MGAT4C: variants seen among roughly 807,000 people sequenced by gnomAD.
The protein encoded by MGAT4C is MGAT4 family member C, also known as alpha-1,3-mannosyl-glycoprotein 4-beta-N-acetylglucosaminyltransferase C.
Under a neutral mutation model 40.1 loss-of-function variants are expected in MGAT4C, and 19 were observed. The ratio of observed to expected loss-of-function variants is 0.47; its 90% confidence interval spans 0.33 to 0.70. MGAT4C has a LOEUF of 0.70. MGAT4C is among the 30% of genes least tolerant of loss of function. The pLI is 0.02. For synonymous variants in MGAT4C, 181 were observed against 187.1 expected (o/e 0.97, Z 0.27); for missense variants, 491 against 563.2 (o/e 0.87, Z 1.30).
intron 2 of MGAT4C, among the ~76,000 whole-genome samples, chr12:86,463,073 T>G (rs1378053489): frequency 6.6e-6 from 1 of 152,168 alleles, no homozygotes; most frequent in Admixed American, 6.5e-5. Context: ...GAGCCTTCAA[T>G]TCTGGCAATT....
chr12:86,175,831 C>A (rs1486914359), intron 1 of MGAT4C, among the ~76,000 whole-genome samples: 1 of 146,458 alleles, frequency 6.8e-6, no homozygotes, highest in Non-Finnish European at 1.5e-5. Context: ...ATTAGCCTGG[C>A]GTGGTGGCGG....
intron 4 of MGAT4C, among the ~76,000 whole-genome samples, chr12:86,313,060 T>C (rs1954119265): frequency 6.6e-6 from 1 of 152,184 alleles, no homozygotes; most frequent in Middle Eastern, 3.2e-3. Context: ...TTAATAGTGT[T>C]ACAGTGGTGG....
At chr12:86,807,812 T>C (rs1952387855) in intron 1 of MGAT4C, among the ~76,000 whole-genome samples, 1 of 152,128 alleles carries the variant, frequency 6.6e-6, no homozygotes, top group Non-Finnish European at 1.5e-5. Flanking sequence ...TTTTTAATAA[T>C]TGCCATTCTG....
intron 1 of MGAT4C, among the ~76,000 whole-genome samples, chr12:86,821,592 T>C (rs1236795361): frequency 6.6e-6 from 1 of 151,024 alleles, no homozygotes. Flanking sequence ...CCAAACACTA[T>C]ATCTTATTCC....
chr12:86,491,273 G>A (rs1044879795), intron 2 of MGAT4C, among the ~76,000 whole-genome samples: 15 of 152,092 alleles, frequency 9.9e-5, no homozygotes, highest in Middle Eastern at 3.4e-3. Flanking sequence ...GAAAAAGAGG[G>A]AATCATCCCT....
chr12:86,399,927 C>T (rs1956326591), intron 3 of MGAT4C, among the ~76,000 whole-genome samples: 1 of 152,162 alleles, frequency 6.6e-6, no homozygotes, highest in Non-Finnish European at 1.5e-5. Context: ...TAATCAAACC[C>T]AAGAATAGGG....
At chr12:86,609,322 G>A (rs1394024954) in intron 2 of MGAT4C, among the ~76,000 whole-genome samples, 2 of 152,092 alleles carry the variant, frequency 1.3e-5, no homozygotes, top group Non-Finnish European at 2.9e-5. Context: ...AGTTGTCAAT[G>A]AAGTTGACTT....
chr12:86,643,182 C>T (rs1221591388), intron 2 of MGAT4C, among the ~76,000 whole-genome samples: 1 of 151,600 alleles, frequency 6.6e-6, no homozygotes, highest in Admixed American at 6.6e-5. Context: ...ATAACAAGCC[C>T]ACTGCTGTGA....
chr12:86,112,076 C>T (rs372241864), intron 1 of MGAT4C, among the ~76,000 whole-genome samples: 1 of 151,588 alleles, frequency 6.6e-6, no homozygotes, highest in Admixed American at 6.6e-5. Flanking sequence ...TAAGTATAAG[C>T]TAAATACAAT....
At chr12:86,273,009 A>T (rs1469631578) in intron 4 of MGAT4C, among the ~76,000 whole-genome samples, 1 of 152,160 alleles carries the variant, frequency 6.6e-6, no homozygotes, top group Admixed American at 6.6e-5. Context: ...TCCATTAATT[A>T]TTTCCTGTTT....
At chr12:86,793,516 C>G (rs534254606) in intron 1 of MGAT4C, among the ~76,000 whole-genome samples, 36 of 151,834 alleles carry the variant, frequency 2.4e-4, no homozygotes, top group Non-Finnish European at 4.3e-4. Flanking sequence ...TTTACTAAAA[C>G]TAGGAATAGT....
At chr12:86,484,160 G>T (rs1165229830) in intron 2 of MGAT4C, among the ~76,000 whole-genome samples, 1 of 152,066 alleles carries the variant, frequency 6.6e-6, no homozygotes, top group African/African-American at 2.4e-5. Flanking sequence ...AGGAGAATCA[G>T]CCCAGAGAGT....
At chr12:86,241,728 T>C (rs1161239097) in intron 1 of MGAT4C, among the ~76,000 whole-genome samples, 1 of 152,168 alleles carries the variant, frequency 6.6e-6, no homozygotes, top group African/African-American at 2.4e-5. Flanking sequence ...GACTGCTTTA[T>C]GTGGGAAAGC....
At chr12:86,259,278 A>C (rs1190633714), upstream of MGAT4C, among the ~76,000 whole-genome samples, 1 of 152,074 alleles carries the variant, frequency 6.6e-6, no homozygotes, top group African/African-American at 2.4e-5. Flanking sequence ...TTTGGAAAAA[A>C]GTCTGATGAT....
chr12:86,344,821 A>C (rs978970550), intron 3 of MGAT4C, among the ~76,000 whole-genome samples: 3 of 151,656 alleles, frequency 2.0e-5, no homozygotes, highest in African/African-American at 2.4e-5. Context: ...ATTTCTCTAG[A>C]GGAAGCTGTT....
chr12:86,039,948 CTGTT>C (rs1237465838), intron 2 of MGAT4C, among the ~76,000 whole-genome samples: 1 of 152,174 alleles, frequency 6.6e-6, no homozygotes, highest in East Asian at 1.9e-4. Context: ...CTATTCCTTT[CTGTT>C]TGTTAGTTTT....
chr12:86,216,749 G>A (rs1018526198), intron 1 of MGAT4C, among the ~76,000 whole-genome samples: 3 of 152,076 alleles, frequency 2.0e-5, no homozygotes, highest in African/African-American at 7.2e-5. Context: ...ACATGACTTG[G>A]CTAATCCTTG....
chr12:86,422,694 G>A (rs1308917378), intron 3 of MGAT4C, among the ~76,000 whole-genome samples: 1 of 152,078 alleles, frequency 6.6e-6, no homozygotes, highest in Admixed American at 6.5e-5. Flanking sequence ...TCTGGCTAAT[G>A]TGACACAATT....
intron 1 of MGAT4C, among the ~76,000 whole-genome samples, chr12:86,735,246 T>C (rs1950967087): frequency 6.6e-6 from 1 of 151,872 alleles, no homozygotes; most frequent in Non-Finnish European, 1.5e-5. Context: ...AGTGTGAAAG[T>C]ATTAGGGAGA....
Sources: allele counts gnomAD v4.1 joint callset (sites outside exome capture counted in the v4.1 genomes callset), GRCh38; gene constraint gnomAD v4.1.1; transcripts MANE v1.5; gene names NCBI Gene and HGNC (gene_info 2026-07-23, HGNC 2026-07-21).